The following FAM171B variants were observed in gnomAD, a reference collection of about 807,000 sequenced individuals.
The protein encoded by FAM171B is family with sequence similarity 171 member B, also known as protein FAM171B.
Under a neutral mutation model 75.6 loss-of-function variants are expected in FAM171B, and 19 were observed. That is an observed-to-expected ratio of 0.25 (90% confidence interval 0.18 to 0.37). The LOEUF (loss-of-function observed/expected upper bound fraction) is 0.37, where lower values mean the gene tolerates loss of function less well. Among genes scored for constraint, FAM171B ranks in the 10% least tolerant of loss-of-function variants. FAM171B has a pLI of 1.00. For missense variants in FAM171B, 848 were observed against 982.4 expected (o/e 0.86, Z 1.83); for synonymous variants, 367 against 361.7 (o/e 1.01, Z -0.17).
intron 1 of FAM171B, among the ~76,000 whole-genome samples, chr2:186,711,830 A>T (rs987574037): frequency 6.6e-6 from 1 of 152,142 alleles, no homozygotes; most frequent in African/African-American, 2.4e-5. Context: ...TCCAGCAGAA[A>T]CCAACTTAGC....
At chr2:186,696,825 A>G (rs1006911593) in intron 1 of FAM171B, among the ~76,000 whole-genome samples, 1 of 152,112 alleles carries the variant, frequency 6.6e-6, no homozygotes, top group African/African-American at 2.4e-5. Flanking sequence ...TCTTACCCAG[A>G]TTCATTCTCC....
At chr2:186,709,127 G>A (rs1689773932) in intron 1 of FAM171B, among the ~76,000 whole-genome samples, 1 of 151,914 alleles carries the variant, frequency 6.6e-6, no homozygotes, top group Non-Finnish European at 1.5e-5. Context: ...GCTTTTAAAC[G>A]ACCAGATCTT....
At chr2:186,714,530 C>G (rs1351877006) in intron 1 of FAM171B, among the ~76,000 whole-genome samples, 3 of 152,096 alleles carry the variant, frequency 2.0e-5, no homozygotes, top group Non-Finnish European at 4.4e-5. Flanking sequence ...CAGGAGTTTA[C>G]TAAAAATTCC....
chr2:186,727,693 G>C (rs772406662), intron 1 of FAM171B, among the ~76,000 whole-genome samples: 1 of 152,054 alleles, frequency 6.6e-6, no homozygotes, highest in Non-Finnish European at 1.5e-5. Flanking sequence ...GGGAGGTGAC[G>C]GTCAGATCTC....
At chr2:186,723,321 A>G (rs1252087077) in intron 1 of FAM171B, among the ~76,000 whole-genome samples, 1 of 152,244 alleles carries the variant, frequency 6.6e-6, no homozygotes, top group Admixed American at 6.5e-5. Context: ...AGGATGAACA[A>G]TACTGTTAAA....
intron 1 of FAM171B, among the ~76,000 whole-genome samples, chr2:186,724,456 T>G (rs1258703946): frequency 6.6e-6 from 1 of 152,212 alleles, no homozygotes; most frequent in Non-Finnish European, 1.5e-5. Flanking sequence ...ACTTTGCCTG[T>G]GTCCCTGCAG....
At chr2:186,716,303 C>G (rs1378849012) in intron 1 of FAM171B, among the ~76,000 whole-genome samples, 1 of 152,184 alleles carries the variant, frequency 6.6e-6, no homozygotes, top group East Asian at 1.9e-4. Flanking sequence ...TGTAAGCCAC[C>G]TTGCCTGGCC....
intron 1 of FAM171B, among the ~76,000 whole-genome samples, chr2:186,736,567 G>GTGTGTGTGTGTGA (rs55683607): frequency 2.0e-4 from 21 of 104,628 alleles, no homozygotes; most frequent in East Asian, 1.6e-3. Context: ...TGTGTGTGTG[G>GTGTGTGTGTGTGA]GAGAGAGAGA....
intron 4 of FAM171B, among the ~76,000 whole-genome samples, chr2:186,748,021 C>T (rs1276880953): frequency 6.6e-6 from 1 of 152,062 alleles, no homozygotes; most frequent in African/African-American, 2.4e-5. Context: ...CACCAAGGTT[C>T]GAGTGATCTT....
chr2:186,725,126 C>T (rs991523461), intron 1 of FAM171B, among the ~76,000 whole-genome samples: 2 of 152,102 alleles, frequency 1.3e-5, no homozygotes, highest in Non-Finnish European at 2.9e-5. Context: ...AGGCAGATCA[C>T]GAGGTCAGGA....
At chr2:186,750,880 T>C (rs756412950) in intron 4 of FAM171B, among the ~76,000 whole-genome samples, 64 of 152,164 alleles carry the variant, frequency 4.2e-4, no homozygotes, top group Non-Finnish European at 8.2e-4. Context: ...AATTGGATTC[T>C]AGTGCCCCTT....
chr2:186,758,587 C>T (rs993211527), intron 6 of FAM171B, among the ~76,000 whole-genome samples: 13 of 152,042 alleles, frequency 8.6e-5, no homozygotes, highest in South Asian at 2.1e-4. Context: ...TATTATATAG[C>T]TTTTTGAGCA....
chr2:186,694,912 A>G (rs374317942), intron 1 of FAM171B, among the ~76,000 whole-genome samples: 4 of 152,136 alleles, frequency 2.6e-5, no homozygotes, highest in Admixed American at 2.0e-4. Flanking sequence ...TGCTATATTT[A>G]AATTTAGCCA....
chr2:186,708,790 C>CCA (rs1205172923), intron 1 of FAM171B, among the ~76,000 whole-genome samples: 1 of 152,102 alleles, frequency 6.6e-6, no homozygotes, highest in African/African-American at 2.4e-5. Context: ...CAAAAACCAA[C>CCA]CAACCAAAAG....
In FAM171B at chr2:186,694,252, C is replaced by T; in HGVS notation, c.79C>T (p.Pro27Ser). Residue 27 changes from proline (P) to serine (S), a missense_variant, in exon 1 of 8, where the codon CCC (proline) becomes TCC (serine). Pro to Ser is a moderately conservative substitution (Grantham distance 74, BLOSUM62 -1). Around this residue, in one of 3 missense-constraint regions of FAM171B, gnomAD observed 665 missense variants for 729.0 expected, o/e 0.91. Coordinates refer to ENST00000304698, the MANE Select transcript of FAM171B (RefSeq NM_177454.4). ...AVVLLKARLV[P>S]AAARAELSRS... ...GGTGCTGCTGAAAGCGCGGCTGGTC[C>T]CCGCGGCCGCCAGAGCGGAACTCAG... The T allele has an allele frequency of 6.2e-7, 1 of 1,611,080 alleles. No individual in the cohort carries two copies. The highest frequency in any genetic ancestry group is 8.5e-7 in the Non-Finnish European group (1 of 1,179,652).
chr2:186,700,400 C>T (rs928414821), intron 1 of FAM171B, among the ~76,000 whole-genome samples: 2 of 152,040 alleles, frequency 1.3e-5, no homozygotes, highest in Non-Finnish European at 2.9e-5. Flanking sequence ...TAGCCCCTTC[C>T]CAGGCAATTC....
intron 1 of FAM171B, among the ~76,000 whole-genome samples, chr2:186,696,073 A>C (rs1356299673): frequency 6.6e-6 from 1 of 152,166 alleles, no homozygotes; most frequent in Non-Finnish European, 1.5e-5. Flanking sequence ...GCAAATTAAA[A>C]TGTTTGCTTT....
chr2:186,740,704 G>C (rs1484349887), intron 2 of FAM171B, among the ~76,000 whole-genome samples: 1 of 152,214 alleles, frequency 6.6e-6, no homozygotes, highest in Non-Finnish European at 1.5e-5. Flanking sequence ...CAGTTCTGGA[G>C]TCTGGGAAGT....
rs373715161 is a variant in FAM171B, at chr2:186,740,280, C to T, written c.291C>T (p.Tyr97=). Reference sequence around the variant, plus strand: ...TGAATGACATCATCAGTCGTCAGTACCTGAGCCAAGCAGTTGTAGAAGTGT... The same window carrying T: ...TGAATGACATCATCAGTCGTCAGTATCTGAGCCAAGCAGTTGTAGAAGTGT... ...VQVNDIISRQ[Y]LSQAVVEVFV... The change falls in exon 2 of 8, where the codon TAC becomes TAT. Residue 97 remains tyrosine, a synonymous_variant. Coordinates refer to ENST00000304698, the MANE Select transcript of FAM171B (RefSeq NM_177454.4). 15 of 1,613,832 alleles carry T rather than the reference C, an allele frequency of 9.3e-6. No homozygotes were observed. Among genetic ancestry groups the T allele is most frequent in the African/African-American group, 1.3e-5 (1 of 74,890 alleles).
Sources: allele counts gnomAD v4.1 joint callset (sites outside exome capture counted in the v4.1 genomes callset), GRCh38; gene constraint gnomAD v4.1.1; regional missense constraint gnomAD v4.1.1; transcripts MANE v1.5; gene names NCBI Gene and HGNC (gene_info 2026-07-23, HGNC 2026-07-21).